The following MED13L variants were observed in gnomAD, a reference collection of about 807,000 sequenced individuals.
MED13L encodes the protein mediator complex subunit 13L.
In MED13L, 7 loss-of-function variants were observed where a neutral mutation model predicts 220.9. That is an observed-to-expected ratio of 0.03 (90% CI 0.02 to 0.06). MED13L has a LOEUF of 0.06. Among genes scored for constraint, MED13L ranks in the 10% least tolerant of loss-of-function variants. The pLI, the probability that MED13L is intolerant of heterozygous loss-of-function variation, is 1.00. For synonymous variants in MED13L, 1,011 were observed against 1,015.2 expected (o/e 1.00, Z 0.08); for missense variants, 1,965 against 2,760.5 (o/e 0.71, Z 6.46).
intron 4 of MED13L, among the ~76,000 whole-genome samples, chr12:116,029,916 A>G (rs573500540): frequency 9.5e-4 from 144 of 152,280 alleles, no homozygotes; most frequent in Middle Eastern, 3.4e-3. Flanking sequence ...ACATCATTTC[A>G]AAGAAATGAT....
intron 6 of MED13L, 87 bp downstream of exon 6, chr12:116,019,688 GATT>G: frequency 6.9e-7 from 1 of 1,439,378 alleles, no homozygotes; most frequent in Non-Finnish European, 9.7e-7. Context: ...TGGGTATGGA[GATT>G]ATTTCTGAAG....
intron 2 of MED13L, among the ~76,000 whole-genome samples, chr12:116,198,986 C>T (rs769742636): frequency 3.1e-4 from 47 of 152,264 alleles, no homozygotes; most frequent in Non-Finnish European, 5.3e-4. Context: ...CCCTCTCTGC[C>T]CCTAGGAACC....
At chr12:115,982,675 C>CTAG in intron 21 of MED13L, 72 bp from the exon 22 acceptor site, 1 of 1,267,952 alleles carries the variant, frequency 7.9e-7, no homozygotes, top group Non-Finnish European at 1.1e-6. Context: ...CAAAAGGGCT[C>CTAG]AATTCTAGAG....
At chr12:116,197,220 C>T (rs1169040343) in intron 2 of MED13L, among the ~76,000 whole-genome samples, 3 of 152,144 alleles carry the variant, frequency 2.0e-5, no homozygotes, top group Non-Finnish European at 2.9e-5. Context: ...ACCGTGTACT[C>T]GGCTGAAGGG....
intron 2 of MED13L, among the ~76,000 whole-genome samples, chr12:116,201,367 G>A (rs1881995056): frequency 6.6e-6 from 1 of 152,056 alleles, no homozygotes; most frequent in Non-Finnish European, 1.5e-5. Context: ...GAAACCCTGA[G>A]ATGGATACAT....
chr12:116,037,764 C>T (rs756599803), intron 4 of MED13L, among the ~76,000 whole-genome samples: 4 of 152,130 alleles, frequency 2.6e-5, no homozygotes, highest in Non-Finnish European at 4.4e-5. Flanking sequence ...CTTAATTCTC[C>T]CTGGGTACAT....
At chr12:115,986,960 A>T in intron 18 of MED13L, 149 bp downstream of exon 18, 3 of 855,236 alleles carry the variant, frequency 3.5e-6, no homozygotes, top group Non-Finnish European at 5.4e-6. Context: ...AAGTAACTTT[A>T]GGAAAACAAA....
rs186297695 is a variant in MED13L, at chr12:116,008,536, G to A, written c.1877C>T (p.Pro626Leu). The A allele has an allele frequency of 4.2e-4, 685 of 1,613,876 alleles. No individual in the cohort carries two copies. Among genetic ancestry groups the A allele is most frequent in the Admixed American group, 1.5e-3 (88 of 60,002 alleles). ...ATGCCACCACTTTTCTGATGACTCC[G>A]GGTTCGAGGGCCTAATCCCACAATA... ...ALYCGIRPSN[P>L]ESSEKWWHSY... The change falls in exon 10 of 31, where the codon CCG becomes CTG. Residue 626 changes from proline (P) to leucine (L), a missense_variant. Physicochemically the swap from Pro to Leu is moderately conservative, Grantham distance 98 (BLOSUM62 -3). Coordinates refer to ENST00000281928, the MANE Select transcript of MED13L (RefSeq NM_015335.5).
chr12:116,015,158 T>C lies in MED13L; in HGVS notation c.1126A>G (p.Met376Val). 5 of 1,613,912 alleles carry C rather than the reference T, an allele frequency of 3.1e-6. No individual in the cohort carries two copies. The highest frequency in any genetic ancestry group is 4.2e-6 in the Non-Finnish European group (5 of 1,179,860). Residue 376 changes from methionine to valine, a missense_variant, in exon 8 of 31, where the codon ATG becomes GTG. Met to Val is a conservative substitution (Grantham distance 21, BLOSUM62 1). Coordinates refer to ENST00000281928, the MANE Select transcript of MED13L (RefSeq NM_015335.5). ...GKIPPKLHNHMVHRVWKECIL... is the reference protein window; with the variant it reads ...GKIPPKLHNHVVHRVWKECIL... ...CATTCCTTCCAGACTCGATGGACCA[T>C]ATGATTGTGGAGTTTTGGAGGAATC... is the stretch of plus-strand genomic sequence containing the variant.
chr12:116,158,151 G>GGA (rs1456892148), intron 2 of MED13L, among the ~76,000 whole-genome samples: 2 of 128,756 alleles, frequency 1.6e-5, no homozygotes. Context: ...AATTCAAGGG[G>GGA]AAAAAAAAAA....
intron 21 of MED13L, 27 bp downstream of exon 21, chr12:115,983,090 A>G: frequency 6.2e-7 from 1 of 1,605,812 alleles, no homozygotes; most frequent in Middle Eastern, 1.7e-4. Flanking sequence ...AGCTGAAGCC[A>G]CTCATCTCAA....
intron 7 of MED13L, 93 bp from the exon 8 acceptor site, chr12:116,015,367 A>T: frequency 7.3e-7 from 1 of 1,377,498 alleles, no homozygotes; most frequent in South Asian, 1.2e-5. Context: ...ATGCATTTTA[A>T]TTGTTGAAAG....
chr12:116,057,287 A>G (rs988479568), intron 4 of MED13L, among the ~76,000 whole-genome samples: 1 of 152,216 alleles, frequency 6.6e-6, no homozygotes, highest in Non-Finnish European at 1.5e-5. Context: ...GCAGAAGCAC[A>G]TTCCACATGA....
intron 2 of MED13L, among the ~76,000 whole-genome samples, chr12:116,180,767 T>C (rs985152196): frequency 1.3e-5 from 2 of 152,204 alleles, no homozygotes; most frequent in African/African-American, 4.8e-5. Context: ...TTAAGTGGTT[T>C]CAGTAGATTT....
chr12:116,071,982 G>A (rs998684728), intron 4 of MED13L, among the ~76,000 whole-genome samples: 1 of 152,214 alleles, frequency 6.6e-6, no homozygotes, highest in African/African-American at 2.4e-5. Context: ...CATCTGATTT[G>A]AAATGCATGG....
intron 2 of MED13L, among the ~76,000 whole-genome samples, chr12:116,222,857 T>C (rs530325781): frequency 6.6e-6 from 1 of 152,344 alleles, no homozygotes; most frequent in African/African-American, 2.4e-5. Context: ...GGACAAAATA[T>C]GTACACTAAC....
rs1425301258 is a variant in MED13L, at chr12:115,984,344, A to T, written c.4367T>A (p.Ile1456Asn). Reference sequence around the variant, plus strand: ...GATCCCGTCACGTAGCACTTTGCAGATGGGCTTGTGCTGCCCAAGCCTACA... The same window carrying T: ...GATCCCGTCACGTAGCACTTTGCAGTTGGGCTTGTGCTGCCCAAGCCTACA... The part of the protein sequence containing the change: ...EMCRLGQHKP[I>N]CKVLRDGIMR... The change falls in exon 20 of 31, where the codon ATC becomes AAC. Residue 1456 changes from isoleucine (I) to asparagine (N), a missense_variant. Ile to Asn is a moderately radical substitution (Grantham distance 149). Coordinates refer to ENST00000281928, the MANE Select transcript of MED13L (RefSeq NM_015335.5). The T allele has an allele frequency of 6.2e-7, 1 of 1,614,048 alleles. No homozygotes were observed. The highest frequency in any genetic ancestry group is 8.5e-7 in the Non-Finnish European group (1 of 1,179,998).
At chr12:116,269,279 A>T (rs553994064) in intron 1 of MED13L, among the ~76,000 whole-genome samples, 1 of 151,980 alleles carries the variant, frequency 6.6e-6, no homozygotes, top group African/African-American at 2.4e-5. Flanking sequence ...GGATGGTCTC[A>T]ATCTCCTGAC....
At chr12:116,212,526 T>A (rs932105717) in intron 2 of MED13L, among the ~76,000 whole-genome samples, 3 of 152,144 alleles carry the variant, frequency 2.0e-5, no homozygotes, top group Non-Finnish European at 4.4e-5. Context: ...ACTAGGAAGG[T>A]TTTTTTAAGC....
Sources: gnomAD v4.1 joint callset for allele counts (sites outside exome capture counted in the v4.1 genomes callset) on GRCh38, gnomAD v4.1.1 for gene constraint, MANE v1.5 for transcripts, NCBI Gene and HGNC (gene_info 2026-07-23, HGNC 2026-07-21) for gene names.